Variants in DCAF10 observed in about 807,000 individuals in gnomAD.
DCAF10 encodes the protein DDB1 and CUL4 associated factor 10.
DCAF10 carries 19 observed loss-of-function variants against 51.9 expected under a neutral mutation model. That is an observed-to-expected ratio of 0.37 (90% CI 0.26 to 0.54). The LOEUF (loss-of-function observed/expected upper bound fraction) is 0.54. Ranked by LOEUF, DCAF10 falls within the 20% of genes least tolerant of loss-of-function variation. The pLI is 0.87. For missense variants in DCAF10, 510 were observed against 730.6 expected, an observed-to-expected ratio of 0.70 and a Z score of 3.48; for synonymous variants, 291 against 297.1, an observed-to-expected ratio of 0.98 and a Z score of 0.21.
intron 2 of DCAF10, among the ~76,000 whole-genome samples, chr9:37,838,073 T>G (rs898493518): frequency 6.6e-6 from 1 of 151,954 alleles, no homozygotes; most frequent in African/African-American, 2.4e-5. Flanking sequence ...ATAAACCATA[T>G]AAAAGATAGA....
chr9:37,815,175 A>G (rs909028066), intron 1 of DCAF10, among the ~76,000 whole-genome samples: 1 of 152,230 alleles, frequency 6.6e-6, no homozygotes, highest in Admixed American at 6.5e-5. Context: ...CCTTAATCTA[A>G]TAGTAGGAAT....
At chr9:37,859,235 G>A (rs767864857) in intron 5 of DCAF10, among the ~76,000 whole-genome samples, 8 of 152,214 alleles carry the variant, frequency 5.3e-5, no homozygotes, top group Non-Finnish European at 1.0e-4. Context: ...CAAAGGATCT[G>A]ACAGAGGGAG....
In DCAF10 at chr9:37,860,074, G is replaced by A; in HGVS notation, c.1192G>A (p.Val398Ile). Residue 398 changes from valine to isoleucine, a missense_variant, in exon 6 of 7, where the codon GTC becomes ATC. Around this residue, in one of 4 missense-constraint regions of DCAF10, gnomAD observed 104 missense variants for 206.2 expected, o/e 0.50. Coordinates refer to ENST00000377724, the MANE Select transcript of DCAF10 (RefSeq NM_024345.5). The part of the protein sequence containing the change: ...EGVSPRNSLE[V>I]VTPEVLGESD... ...AGTTTCACCACGAAATAGTCTTGAA[G>A]TCGTAACCCCTGAAGTTCTTGGTGA... 1 of 1,614,124 alleles carries A rather than the reference G, an allele frequency of 6.2e-7. No homozygotes were observed.
intron 1 of DCAF10, among the ~76,000 whole-genome samples, chr9:37,809,384 G>A (rs1286245268): frequency 2.9e-5 from 4 of 136,264 alleles, no homozygotes; most frequent in Admixed American, 2.2e-4. Flanking sequence ...GAGAGCAGAA[G>A]GAAATATAGT....
intron 3 of DCAF10, among the ~76,000 whole-genome samples, chr9:37,846,611 C>T (rs1830481024): frequency 6.6e-6 from 1 of 152,048 alleles, no homozygotes; most frequent in African/African-American, 2.4e-5. Context: ...CATCCACCAC[C>T]ACCCCTGGCT....
chr9:37,857,470 T>C (rs1830885547), intron 5 of DCAF10, 119 bp downstream of exon 5: 1 of 673,300 alleles, frequency 1.5e-6, no homozygotes, highest in Non-Finnish European at 2.3e-6. Flanking sequence ...GCAATGGAGA[T>C]GAGGTGATTT....
At chr9:37,858,748 G>T (rs1830925860) in intron 5 of DCAF10, among the ~76,000 whole-genome samples, 1 of 152,208 alleles carries the variant, frequency 6.6e-6, no homozygotes. Context: ...AGATATAATA[G>T]CTGTATAGAG....
intron 4 of DCAF10, 86 bp from the exon 5 acceptor site, chr9:37,857,155 C>A: frequency 9.3e-7 from 1 of 1,075,650 alleles, no homozygotes; most frequent in Non-Finnish European, 1.3e-6. Flanking sequence ...AATTTTAAAA[C>A]TATGGTTCGA....
At chr9:37,816,170 T>C (rs1206209326) in intron 1 of DCAF10, among the ~76,000 whole-genome samples, 1 of 152,158 alleles carries the variant, frequency 6.6e-6, no homozygotes, top group Non-Finnish European at 1.5e-5. Context: ...CAACAGAAGG[T>C]AGGCATGGGC....
At chr9:37,832,448 GA>G (rs1487476820) in intron 2 of DCAF10, among the ~76,000 whole-genome samples, 4 of 150,634 alleles carry the variant, frequency 2.7e-5, no homozygotes, top group Admixed American at 1.3e-4. Context: ...ACAAGAGCGA[GA>G]CTCCGTCTCA....
chr9:37,850,126 T>C (rs1830591288), intron 3 of DCAF10, among the ~76,000 whole-genome samples: 1 of 152,224 alleles, frequency 6.6e-6, no homozygotes, highest in South Asian at 2.1e-4. Flanking sequence ...CTCCCTGTTC[T>C]ATATAGAAAA....
intron 3 of DCAF10, 26 bp downstream of exon 3, chr9:37,842,312 G>A (rs1481788916): frequency 2.5e-6 from 4 of 1,589,886 alleles, no homozygotes; most frequent in Non-Finnish European, 3.4e-6. Context: ...ACCATGTTAG[G>A]ATTATGAACA....
At position 37,830,143 on chromosome 9, in the gene DCAF10, T is replaced by G. The variant is rs2841950; in HGVS notation, c.653+10742T>G. Among the ~76,000 whole-genome samples the G allele has an allele frequency of 7.9e-3, 1,205 of 152,284 alleles. 23 individuals are homozygous for G. Among genetic ancestry groups the G allele is most frequent in the African/African-American group, 0.027 (1,125 of 41,556 alleles). ...TCAAGAGGAAATATTAATAGATAAA[T>G]AAATTCTGGTGTACTCATACAATGA... is the stretch of plus-strand genomic sequence containing the variant. On this transcript the variant is annotated intron_variant, in intron 2 of 6. Coordinates refer to ENST00000377724, the MANE Select transcript of DCAF10 (RefSeq NM_024345.5).
intron 3 of DCAF10, among the ~76,000 whole-genome samples, chr9:37,853,459 A>G (rs568965819): frequency 1.3e-5 from 2 of 152,144 alleles, no homozygotes; most frequent in East Asian, 3.9e-4. Context: ...TCAGAAAGAA[A>G]GGATCAAAAA....
At chr9:37,800,589 A>G (rs1167244307), upstream of DCAF10, 3 of 1,535,972 alleles carry the variant, frequency 2.0e-6, no homozygotes, top group African/African-American at 1.4e-5. Context: ...GGTCACTGAC[A>G]ACTACAGACC....
intron 1 of DCAF10, among the ~76,000 whole-genome samples, chr9:37,807,044 A>T (rs1346150948): frequency 6.6e-5 from 10 of 152,240 alleles, no homozygotes. Context: ...TTATTAATAT[A>T]TTTAAACAAA....
At chr9:37,845,758 G>A (rs1693857394) in intron 3 of DCAF10, among the ~76,000 whole-genome samples, 1 of 152,142 alleles carries the variant, frequency 6.6e-6, no homozygotes, top group African/African-American at 2.4e-5. Context: ...CCAGGACCCT[G>A]TTCCAGCACA....
chr9:37,808,640 A>ATATAT (rs1464912323), intron 1 of DCAF10, among the ~76,000 whole-genome samples: 2 of 17,526 alleles, frequency 1.1e-4, no homozygotes, highest in African/African-American at 2.6e-4. Flanking sequence ...TATAATATAA[A>ATATAT]AATATATAAT....
intron 2 of DCAF10, among the ~76,000 whole-genome samples, chr9:37,834,570 C>G (rs909979364): frequency 6.6e-6 from 1 of 152,196 alleles, no homozygotes; most frequent in South Asian, 2.1e-4. Flanking sequence ...CTAATAATCT[C>G]TCTTCCTTAA....
Sources: allele counts gnomAD v4.1 joint callset (sites outside exome capture counted in the v4.1 genomes callset), GRCh38; gene constraint gnomAD v4.1.1; regional missense constraint gnomAD v4.1.1; transcripts MANE v1.5; gene names NCBI Gene and HGNC (gene_info 2026-07-23, HGNC 2026-07-21).